The following PPARD variants were observed in gnomAD, a reference collection of about 807,000 sequenced individuals.
The protein encoded by PPARD is peroxisome proliferator-activated receptor delta.
PPARD carries 6 observed loss-of-function variants against 39.5 expected under a neutral mutation model. The observed-to-expected ratio is 0.15, with a 90% confidence interval of 0.08 to 0.30. The LOEUF is 0.30. Among genes scored for constraint, PPARD ranks in the 10% least tolerant of loss-of-function variants. The pLI is 1.00. For missense variants in PPARD, 397 were observed against 596.8 expected, an observed-to-expected ratio of 0.67 and a Z score of 3.49; for synonymous variants, 210 against 231.3, an observed-to-expected ratio of 0.91 and a Z score of 0.83.
chr6:35,377,493 C>G (rs1213914068), intron 2 of PPARD, among the ~76,000 whole-genome samples: 1 of 152,184 alleles, frequency 6.6e-6, no homozygotes, highest in African/African-American at 2.4e-5. Flanking sequence ...GCAAATTGAA[C>G]TATTTGCATA....
chr6:35,347,222 T>C, intron 2 of PPARD, 72 bp downstream of exon 2: 1 of 1,495,200 alleles, frequency 6.7e-7, no homozygotes, highest in Admixed American at 2.0e-5. Flanking sequence ...GATCCTGACC[T>C]TGAAGATGAA....
intron 2 of PPARD, among the ~76,000 whole-genome samples, chr6:35,358,657 A>G (rs1166603902): frequency 6.6e-6 from 1 of 152,202 alleles, no homozygotes; most frequent in Non-Finnish European, 1.5e-5. Flanking sequence ...CAAGAGAGAA[A>G]GCCTCATATG....
chr6:35,368,905 T>G (rs1244745327), intron 2 of PPARD, among the ~76,000 whole-genome samples: 1 of 152,218 alleles, frequency 6.6e-6, no homozygotes, highest in Non-Finnish European at 1.5e-5. Context: ...CTACTTGGTC[T>G]GATTTATTTG....
chr6:35,345,683 C>T (rs1463745349), intron 1 of PPARD, among the ~76,000 whole-genome samples: 1 of 152,036 alleles, frequency 6.6e-6, no homozygotes. Flanking sequence ...GTCCCTTAGA[C>T]GCCTTCCCTT....
chr6:35,415,437 T>C (rs1581659388), intron 3 of PPARD, among the ~76,000 whole-genome samples: 2 of 152,368 alleles, frequency 1.3e-5, no homozygotes, highest in South Asian at 2.1e-4. Context: ...AGGCTAGATA[T>C]GCAGGAGAGC....
rs9658169 is a variant in PPARD, at chr6:35,426,712, G to A, written c.*633G>A. Reference sequence around the variant, plus strand: ...CTGCTGCAAAGGACAGTGGGCAGGAGGCCCCAGGCTGAGAGCCAGATGCCT... The same window carrying A: ...CTGCTGCAAAGGACAGTGGGCAGGAAGCCCCAGGCTGAGAGCCAGATGCCT... On this transcript the variant is annotated 3_prime_UTR_variant, in exon 8 of 8. Transcript: ENST00000360694. 6.5e-6 allele frequency: 1 copy of A among 153,198 alleles called. No individual in the cohort carries two copies. The highest frequency in any genetic ancestry group is 2.4e-5 in the African/African-American group (1 of 41,422). The allele number at this position is 153,198 out of a possible 1,614,324, so 9.5% of individuals were successfully genotyped here.
In PPARD at chr6:35,412,060, C is replaced by T. The variant is rs1233965500; in HGVS notation, c.130+843C>T. ...TCTCCTGCCTCAGCCTCCCGAGTAG[C>T]TGGGATTATAGGCGTGCACCACCAC... On this transcript the variant is annotated intron_variant, in intron 3 of 7. Transcript: ENST00000360694. This position sits in a 1 kb window ranked among gnomAD's most constrained non-coding sequence, Gnocchi z 4.1. Among the ~76,000 whole-genome samples, 1 of 152,150 alleles carries T rather than the reference C, an allele frequency of 6.6e-6. No homozygotes were observed. Among genetic ancestry groups the T allele is most frequent in the Non-Finnish European group, 1.5e-5 (1 of 68,024 alleles).
At chr6:35,347,429 G>A (rs1760930394) in intron 2 of PPARD, among the ~76,000 whole-genome samples, 1 of 152,146 alleles carries the variant, frequency 6.6e-6, no homozygotes, top group South Asian at 2.1e-4. Context: ...TTGTTTTGCT[G>A]CCTGTTGTGT....
At chr6:35,408,794 GT>G (rs1406822696) in intron 2 of PPARD, among the ~76,000 whole-genome samples, 2 of 152,208 alleles carry the variant, frequency 1.3e-5, no homozygotes, top group East Asian at 3.8e-4. Context: ...AAAGTTCGGT[GT>G]TACAGAGTAA....
rs192573286 is a variant in PPARD, at chr6:35,398,663, T to C, written c.-101-12324T>C. Among the ~76,000 whole-genome samples, 101 of 152,252 alleles carry C rather than the reference T, an allele frequency of 6.6e-4. 1 individual carries two copies. Among genetic ancestry groups the C allele is most frequent in the African/African-American group, 2.3e-3 (96 of 41,558 alleles). On this transcript the variant is annotated intron_variant, in intron 2 of 7. Transcript: ENST00000360694. ...TACTGACTGAGACCAACAAAGTAGA[T>C]TGATACGGAGCAGCCAGTGATATCA...
chr6:35,382,361 T>A (rs2150592446), intron 2 of PPARD, among the ~76,000 whole-genome samples: 1 of 152,346 alleles, frequency 6.6e-6, no homozygotes, highest in East Asian at 1.9e-4. Flanking sequence ...GTGCTTGCCA[T>A]AAAATGAAAT....
intron 2 of PPARD, among the ~76,000 whole-genome samples, chr6:35,354,515 G>A (rs910504332): frequency 4.0e-5 from 6 of 151,896 alleles, no homozygotes; most frequent in Non-Finnish European, 8.8e-5. Context: ...TGGCCAGGCT[G>A]GTTTCTAACT....
intron 2 of PPARD, among the ~76,000 whole-genome samples, chr6:35,388,468 T>C (rs193123951): frequency 2.3e-4 from 35 of 152,004 alleles, no homozygotes; most frequent in Admixed American, 1.9e-3. Context: ...ACCCAGCACT[T>C]TGGGAGGCTG....
At chr6:35,360,842 G>A (rs1254244876) in intron 2 of PPARD, among the ~76,000 whole-genome samples, 1 of 152,222 alleles carries the variant, frequency 6.6e-6, no homozygotes, top group African/African-American at 2.4e-5. Flanking sequence ...TTGGATGCAG[G>A]GGCTGGGGTG....
chr6:35,350,200 TG>T (rs1215849775), intron 2 of PPARD, among the ~76,000 whole-genome samples: 3 of 152,224 alleles, frequency 2.0e-5, no homozygotes, highest in African/African-American at 7.2e-5. Context: ...TCTCATTCTG[TG>T]GGTTGTCTCT....
intron 2 of PPARD, among the ~76,000 whole-genome samples, chr6:35,370,351 T>C (rs1762418076): frequency 1.3e-5 from 2 of 152,096 alleles, no homozygotes; most frequent in African/African-American, 4.8e-5. Context: ...TGTGCAGGCA[T>C]GTTGGGGAGT....
At chr6:35,418,445 C>T (rs1332406498) in intron 3 of PPARD, among the ~76,000 whole-genome samples, 2 of 152,248 alleles carry the variant, frequency 1.3e-5, no homozygotes, top group South Asian at 2.1e-4. Context: ...AGAGAGCTAT[C>T]GCGTGCCTGC....
At chr6:35,389,303 T>A (rs1436416570) in intron 2 of PPARD, among the ~76,000 whole-genome samples, 1 of 152,076 alleles carries the variant, frequency 6.6e-6, no homozygotes, top group Admixed American at 6.6e-5. Context: ...TTTGGTTTGT[T>A]TTTTGTTTGT....
In PPARD at chr6:35,424,975, G is replaced by A; in HGVS notation, c.1078+196G>A. ...CATTATGTACGTAGATAGAGGTGGA[G>A]ACAGGAAAAAGACTAAGCCAGACGT... On this transcript the variant is annotated intron_variant, in intron 7 of 7. Coordinates refer to ENST00000360694, the MANE Select transcript of PPARD (RefSeq NM_006238.5). This position sits in a 1 kb window ranked among gnomAD's most constrained non-coding sequence, Gnocchi z 7.1. 1 of 1,424,224 alleles carries A rather than the reference G, an allele frequency of 7.0e-7. No homozygotes were observed. The highest frequency in any genetic ancestry group is 9.1e-7 in the Non-Finnish European group (1 of 1,093,072). 88.2% of individuals were successfully genotyped at this position (1,424,224 alleles called of 1,614,324 possible). A position where few individuals can be genotyped will look rare whatever the true frequency, so the allele number is the denominator to read the frequency against.
Sources: gnomAD v4.1 joint callset for allele counts (sites outside exome capture counted in the v4.1 genomes callset) on GRCh38, gnomAD v4.1.1 for gene constraint, Gnocchi (gnomAD v3.1) non-coding constraint, MANE v1.5 for transcripts, NCBI Gene and HGNC (gene_info 2026-07-23, HGNC 2026-07-21) for gene names.